The following PRELID2 variants were observed in gnomAD, a reference collection of about 807,000 sequenced individuals.
The protein encoded by PRELID2 is PRELI domain containing 2.
PRELID2 carries 25 observed loss-of-function variants against 28.4 expected under a neutral mutation model. The observed-to-expected ratio is 0.88, with a 90% CI of 0.64 to 1.23. The LOEUF is 1.23. Among genes scored for constraint, PRELID2 ranks in the 50% most tolerant of loss-of-function variants. The pLI is 0.00. For missense variants in PRELID2, 201 were observed against 214.4 expected, an observed-to-expected ratio of 0.94 and a Z score of 0.39; for synonymous variants, 76 against 71.6, an observed-to-expected ratio of 1.06 and a Z score of -0.31.
At chr5:145,748,614 G>GA (rs1169933172) in intron 1 of PRELID2, among the ~76,000 whole-genome samples, 3 of 152,084 alleles carry the variant, frequency 2.0e-5, no homozygotes, top group African/African-American at 7.2e-5. Flanking sequence ...CACAGAATTA[G>GA]AAAAAACTAC....
chr5:145,525,468 T>G (rs907171276), intron 1 of PRELID2, among the ~76,000 whole-genome samples: 3 of 152,198 alleles, frequency 2.0e-5, no homozygotes, highest in African/African-American at 4.8e-5. Context: ...AAGTCTTTGG[T>G]GGTTGATTCA....
At chr5:145,760,583 C>T (rs1366761372) in intron 6 of PRELID2, 58 bp from the exon 7 acceptor site, 3 of 152,162 alleles carry the variant, frequency 2.0e-5, no homozygotes, top group Non-Finnish European at 4.4e-5. Context: ...CCAATCAATA[C>T]TTATTTGCCC....
At chr5:145,737,773 A>G (rs1756538130) in intron 1 of PRELID2, among the ~76,000 whole-genome samples, 1 of 151,900 alleles carries the variant, frequency 6.6e-6, no homozygotes, top group South Asian at 2.1e-4. Context: ...ACCAGGATGT[A>G]ACTTCAGGGA....
At chr5:145,229,447 C>A in the PRELID2 span, 1 of 835,502 alleles carries the variant, frequency 1.2e-6, no homozygotes, top group Non-Finnish European at 2.0e-6. Context: ...ACACAAAGAT[C>A]CAGGACCCAG....
the PRELID2 span, among the ~76,000 whole-genome samples, chr5:145,391,308 C>A: frequency 6.6e-6 from 1 of 152,220 alleles, no homozygotes; most frequent in Non-Finnish European, 1.5e-5. Context: ...CTTCTGTGCA[C>A]CCACAAGCTG....
the PRELID2 span, among the ~76,000 whole-genome samples, chr5:145,305,691 C>T: frequency 6.6e-6 from 1 of 152,020 alleles, no homozygotes; most frequent in Admixed American, 6.6e-5. Context: ...TTTAAAGGCC[C>T]TGCAGAACTT....
At chr5:145,725,721 G>A (rs116308445) in intron 1 of PRELID2, among the ~76,000 whole-genome samples, 3,612 of 152,220 alleles carry the variant, frequency 0.024, 135 homozygotes, top group African/African-American at 0.082. Flanking sequence ...CTTTTCAAGA[G>A]TAGGCTTCTA....
At chr5:145,828,306 G>A (rs544602153) in intron 1 of PRELID2, among the ~76,000 whole-genome samples, 1 of 152,130 alleles carries the variant, frequency 6.6e-6, no homozygotes, top group Non-Finnish European at 1.5e-5. Context: ...AGCTGGTTTT[G>A]CTACTAACAA....
At chr5:145,588,126 C>T (rs907070940) in intron 1 of PRELID2, among the ~76,000 whole-genome samples, 3 of 152,156 alleles carry the variant, frequency 2.0e-5, no homozygotes, top group East Asian at 1.9e-4. Context: ...ACTCCCCTAA[C>T]GAACATCACT....
intron 1 of PRELID2, among the ~76,000 whole-genome samples, chr5:145,703,103 C>A (rs1189790599): frequency 2.6e-5 from 4 of 152,166 alleles, no homozygotes; most frequent in Non-Finnish European, 5.9e-5. Context: ...CACCCATTGG[C>A]CATCAAGTGT....
chr5:145,337,391 GTAATAAT>G, the PRELID2 span, among the ~76,000 whole-genome samples: 1 of 151,702 alleles, frequency 6.6e-6, no homozygotes, highest in South Asian at 2.1e-4. Flanking sequence ...TTGGTGTCCT[GTAATAAT>G]TCAGTTCAAT....
chr5:145,721,504 G>A (rs928824620), intron 1 of PRELID2, among the ~76,000 whole-genome samples: 1 of 151,968 alleles, frequency 6.6e-6, no homozygotes, highest in Admixed American at 6.6e-5. Flanking sequence ...AAAGAGCAAA[G>A]CAAACACATC....
At chr5:145,537,000 C>A (rs1005423564) in intron 1 of PRELID2, among the ~76,000 whole-genome samples, 3 of 151,662 alleles carry the variant, frequency 2.0e-5, no homozygotes, top group Non-Finnish European at 4.4e-5. Flanking sequence ...ATTAAATAAG[C>A]AAGTATTATC....
intron 4 of PRELID2, among the ~76,000 whole-genome samples, chr5:145,805,825 A>C (rs1310114237): frequency 6.6e-6 from 1 of 152,230 alleles, no homozygotes. Context: ...GCTGCACATC[A>C]TGTTACTATA....
intron 1 of PRELID2, among the ~76,000 whole-genome samples, chr5:145,725,821 T>G (rs1170290250): frequency 6.6e-6 from 1 of 152,206 alleles, no homozygotes; most frequent in Non-Finnish European, 1.5e-5. Flanking sequence ...GCAAGACTTT[T>G]CTGGGTTGTA....
the PRELID2 span, chr5:145,229,513 C>T: frequency 6.2e-5 from 84 of 1,353,064 alleles, 1 homozygote; most frequent in Non-Finnish European, 7.5e-5. Context: ...AAGGAGTCCC[C>T]GTGAGGGTGA....
the PRELID2 span, among the ~76,000 whole-genome samples, chr5:145,268,125 C>CAGAA: frequency 6.6e-6 from 1 of 152,066 alleles, no homozygotes; most frequent in Non-Finnish European, 1.5e-5. Context: ...CTTTGCTGTG[C>CAGAA]AGAAGCCTTT....
chr5:145,631,519 T>G (rs1236658788), intron 1 of PRELID2, among the ~76,000 whole-genome samples: 1 of 152,046 alleles, frequency 6.6e-6, no homozygotes, highest in Admixed American at 6.6e-5. Flanking sequence ...AATAAGACAA[T>G]AGGTCATCAC....
chr5:145,563,909 A>G (rs1451375592), intron 1 of PRELID2, among the ~76,000 whole-genome samples: 1 of 152,176 alleles, frequency 6.6e-6, no homozygotes, highest in Non-Finnish European at 1.5e-5. Flanking sequence ...TCCCCCATGA[A>G]AGTAGATTTC....
Sources: allele counts gnomAD v4.1 joint callset (sites outside exome capture counted in the v4.1 genomes callset), GRCh38; gene constraint gnomAD v4.1.1; transcripts MANE v1.5; gene names NCBI Gene and HGNC (gene_info 2026-07-23, HGNC 2026-07-21).